The following NBPF10 variants were observed in gnomAD, a reference collection of about 807,000 sequenced individuals.
NBPF10 encodes NBPF family member NBPF10.
NBPF10 carries 63 observed loss-of-function variants against 77.9 expected under a neutral mutation model. The ratio of observed to expected loss-of-function variants is 0.81; its 90% CI spans 0.66 to 1.00. NBPF10 has a LOEUF of 1.00. Ranked by LOEUF, NBPF10 falls within the 50% of genes least tolerant of loss-of-function variation. The pLI is 0.00. For missense variants in NBPF10, 522 were observed against 679.8 expected (o/e 0.77, Z 2.58); for synonymous variants, 146 against 264.5 (o/e 0.55, Z 4.35).
At chr1:146,068,163 C>A (rs1553778643) in exon 88 of NBPF10, 1 of 457,170 alleles carries the variant, frequency 2.2e-6, no homozygotes, top group East Asian at 3.6e-5. Flanking sequence ...CATCCAGCAG[C>A]TCCCTGCTGA....
intron 14 of NBPF10, 119 bp downstream of exon 14, chr1:146,126,117 T>A (rs1273637542): frequency 1.4e-6 from 1 of 731,744 alleles, no homozygotes; most frequent in Non-Finnish European, 2.5e-6. Context: ...TACATGTGCC[T>A]ATAGGTCCTC....
rs1417722618 is a variant in NBPF10 at position 146,068,406 on chromosome 1, C to T, written c.10863-231G>A. 1.1e-4 allele frequency among the ~76,000 whole-genome samples: 2 copies of T among 17,726 alleles called. 1 individual carries two copies. The highest frequency in any genetic ancestry group is 1.5e-3 in the Admixed American group (2 of 1,346). The allele number at this position is 17,726 out of a possible 152,430, so 11.6% of individuals were successfully genotyped here. The stretch of plus-strand genomic sequence containing the variant: ...GAGAGAGAGGAGAAAGTGAGATCAG[C>T]GAATTGGCCGGGTGACACACTGATG... On this transcript the variant is annotated intron_variant, in intron 87 of 89. Transcript: ENST00000583866.
chr1:146,081,053 C>A (rs1172506991), intron 71 of NBPF10, among the ~76,000 whole-genome samples: 1 of 39,324 alleles, frequency 2.5e-5, no homozygotes, highest in Non-Finnish European at 8.6e-5. Context: ...AGAGAACGAG[C>A]TCAGTGAATT....
chr1:146,140,527 G>C (rs587731546), exon 4 of NBPF10: 1 of 969,386 alleles, frequency 1.0e-6, no homozygotes, highest in Non-Finnish European at 1.5e-6. Context: ...TCCTCAACTT[G>C]AACATCTTCA....
chr1:146,143,310 CAAAT>C (rs1399522841), intron 1 of NBPF10, among the ~76,000 whole-genome samples: 2 of 147,366 alleles, frequency 1.4e-5, no homozygotes, highest in Non-Finnish European at 3.0e-5. Context: ...GAAATATGCC[CAAAT>C]ACTTTATTAG....
Position 146,140,742 on chromosome 1 carries a change from G to GGAA in NBPF10, c.494-187_494-186insTTC, listed in dbSNP as rs1176758954. Among the ~76,000 whole-genome samples the GGAA allele has an allele frequency of 2.4e-4, 28 of 118,758 alleles. 6 individuals carry two copies. In the Admixed American group the frequency reaches 2.4e-3, roughly 10 times the overall value. 77.9% of individuals were successfully genotyped at this position (118,758 alleles called of 152,430 possible). The stretch of plus-strand genomic sequence containing the variant: ...CTCCATCGGGCAATGCATTTCTGAT[G>GGAA]TGGAGGGCCACCATCAAGATGTGGC... On this transcript the variant is annotated intron_variant, in intron 3 of 89. Coordinates refer to ENST00000583866, the Ensembl canonical transcript of NBPF10.
At chr1:146,066,747 A>AAGAGAAAGACAGAG (rs1655106431) in intron 89 of NBPF10, among the ~76,000 whole-genome samples, 186 bp from the exon 90 acceptor site, 1 of 151,424 alleles carries the variant, frequency 6.6e-6, no homozygotes, top group African/African-American at 2.4e-5. Context: ...AAAACAATGA[A>AAGAGAAAGACAGAG]AGAGAAAGAC....
intron 13 of NBPF10, among the ~76,000 whole-genome samples, chr1:146,126,614 C>CACACACACAG (rs1658713222): frequency 7.1e-6 from 1 of 140,704 alleles, no homozygotes; most frequent in Non-Finnish European, 1.6e-5. Context: ...CACACACACA[C>CACACACACAG]ACACACACAC....
chr1:146,126,620 C>T (rs1287850606), intron 13 of NBPF10, among the ~76,000 whole-genome samples: 7 of 143,086 alleles, frequency 4.9e-5, no homozygotes, highest in African/African-American at 1.0e-4. Context: ...CACACACACA[C>T]ACACACACAC....
At position 146,068,193 on chromosome 1, in the gene NBPF10, A is replaced by G. The variant is rs1553778667; in HGVS notation, c.10863-18T>C. The G allele has an allele frequency of 5.6e-6, 2 of 357,902 alleles. No individual in the cohort carries two copies. Among genetic ancestry groups the G allele is most frequent in the Admixed American group, 1.1e-4 (2 of 17,698 alleles). 22.2% of individuals were successfully genotyped at this position (357,902 alleles called of 1,614,324 possible). Reference sequence around the variant, plus strand: ...TGCTGAGCCTGGAAAAGTAGGAAAAAGTAAAGAATAAGCCAGGGGGAATCA... The same window carrying G: ...TGCTGAGCCTGGAAAAGTAGGAAAAGGTAAAGAATAAGCCAGGGGGAATCA... On this transcript the variant is annotated intron_variant, in intron 87 of 89. Transcript: ENST00000583866.
intron 14 of NBPF10, 72 bp downstream of exon 14, chr1:146,126,164 A>T: frequency 1.1e-6 from 1 of 916,790 alleles, no homozygotes; most frequent in Non-Finnish European, 1.8e-6. Context: ...AGTAACGGCC[A>T]CTTGCAGTAG....
At chr1:146,126,019 A>G (rs71254961) in intron 14 of NBPF10, among the ~76,000 whole-genome samples, 9 of 151,792 alleles carry the variant, frequency 5.9e-5, no homozygotes, top group African/African-American at 2.2e-4. Context: ...ATGGTGCCAC[A>G]GGCATGGCCT....
chr1:146,076,298 C>CAG (rs1253455825), intron 77 of NBPF10, among the ~76,000 whole-genome samples: 1 of 11,832 alleles, frequency 8.5e-5, no homozygotes, highest in Non-Finnish European at 2.7e-4. Context: ...CACACACACA[C>CAG]ACACAGAGAG....
intron 11 of NBPF10, among the ~76,000 whole-genome samples, chr1:146,128,642 GTTC>G (rs1658990475): frequency 1.0e-5 from 1 of 96,258 alleles, no homozygotes; most frequent in Non-Finnish European, 2.1e-5. Flanking sequence ...AGTGAAGAGA[GTTC>G]TTGACGCAGT....
chr1:146,126,144 C>A (rs1220298149), intron 14 of NBPF10, 92 bp downstream of exon 14: 5 of 831,148 alleles, frequency 6.0e-6, no homozygotes, highest in Non-Finnish European at 1.1e-5. Context: ...GCAATGACAT[C>A]TCTCAGCTCA....
chr1:146,126,411 G>A lies in NBPF10; in HGVS notation c.1854-3C>T, dbSNP rs781916622. 5.9e-6 allele frequency: 7 copies of A among 1,178,576 alleles called. 1 individual carries two copies. The highest frequency in any genetic ancestry group is 3.5e-5 in the Admixed American group (2 of 57,408). 73.0% of individuals were successfully genotyped at this position (1,178,576 alleles called of 1,614,324 possible). A position where few individuals can be genotyped will look rare whatever the true frequency, so the allele number is the denominator to read the frequency against. On this transcript the variant is annotated splice_region_variant and splice_polypyrimidine_tract_variant and intron_variant, in intron 13 of 89. Coordinates refer to ENST00000583866, the Ensembl canonical transcript of NBPF10. ...CATCCAGCAGCTCCCTGCTGAGCGT[G>A]GAAAAGTAGGAAAAAGTAAAGAATA...
intron 86 of NBPF10, among the ~76,000 whole-genome samples, chr1:146,069,236 AG>A (rs1655534198): frequency 1.2e-5 from 1 of 86,388 alleles, no homozygotes; most frequent in Non-Finnish European, 2.4e-5. Context: ...GAAATCTACA[AG>A]ATCTACAAAA....
At chr1:146,069,429 G>C in intron 86 of NBPF10, 114 bp downstream of exon 86, 1 of 546,084 alleles carries the variant, frequency 1.8e-6, no homozygotes, top group East Asian at 3.1e-5. Flanking sequence ...ATGCCTATAG[G>C]TCCTCCCTGT....
In NBPF10 at chr1:146,126,225, A is replaced by G; in HGVS notation, c.2026+11T>C. The G allele has an allele frequency of 5.1e-6, 8 of 1,583,378 alleles. No homozygotes were observed. Among genetic ancestry groups the G allele is most frequent in the African/African-American group, 1.4e-5 (1 of 74,000 alleles). On this transcript the variant is annotated intron_variant, in intron 14 of 89. Coordinates refer to ENST00000583866, the Ensembl canonical transcript of NBPF10. ...AGTGGATCCTTATCACCTTCATAGA[A>G]AGGTACTCACCATCCATGTCAATAG...
Sources: allele counts gnomAD v4.1 joint callset (sites outside exome capture counted in the v4.1 genomes callset), GRCh38; gene constraint gnomAD v4.1.1; transcripts MANE v1.5; gene names NCBI Gene and HGNC (gene_info 2026-07-23, HGNC 2026-07-21).